The following SPDYA variants were observed in gnomAD, a reference collection of about 807,000 sequenced individuals.
SPDYA encodes speedy protein A.
Under a neutral mutation model 36.7 loss-of-function variants are expected in SPDYA, and 11 were observed. The observed-to-expected ratio is 0.30, with a 90% CI of 0.19 to 0.50. The LOEUF (loss-of-function observed/expected upper bound fraction) is 0.50, where lower values mean the gene tolerates loss of function less well. SPDYA is among the 20% of genes least tolerant of loss of function. The probability of loss-of-function intolerance (pLI) is 0.98; values close to 1 mark genes in which losing one functional copy is unlikely to be tolerated. For missense variants in SPDYA, 287 were observed against 370.9 expected, an observed-to-expected ratio of 0.77 and a Z score of 1.86; for synonymous variants, 115 against 118.7, an observed-to-expected ratio of 0.97 and a Z score of 0.20.
chr2:28,830,824 T>C (rs1668464038), intron 6 of SPDYA, among the ~76,000 whole-genome samples: 1 of 152,234 alleles, frequency 6.6e-6, no homozygotes, highest in Admixed American at 6.5e-5. Flanking sequence ...TCAGTTATTT[T>C]ACCAAATGTT....
chr2:28,831,397 G>C (rs950117906), intron 6 of SPDYA, among the ~76,000 whole-genome samples: 34 of 152,088 alleles, frequency 2.2e-4, no homozygotes, highest in African/African-American at 7.7e-4. Context: ...AAAAATAGCA[G>C]TATTACATCT....
In SPDYA at chr2:28,850,375, G is replaced by T; in HGVS notation, c.*434G>T. ...TACTGGTCTAGCAACATAGGGAAAT[G>T]ATCCATATGGAAAATCAGAATGCGA... On this transcript the variant is annotated 3_prime_UTR_variant, in exon 8 of 8. Transcript: ENST00000334056. 1 of 1,608,282 alleles carries T rather than the reference G, an allele frequency of 6.2e-7. No individual in the cohort carries two copies.
At chr2:28,819,837 A>G in intron 4 of SPDYA, among the ~76,000 whole-genome samples, 1 of 49,940 alleles carries the variant, frequency 2.0e-5, no homozygotes, top group Admixed American at 3.2e-4. Flanking sequence ...AAAAAAAAAA[A>G]AAAAAAAAAA....
chr2:28,826,349 C>T (rs377146676), intron 5 of SPDYA, among the ~76,000 whole-genome samples: 1 of 152,194 alleles, frequency 6.6e-6, no homozygotes, highest in East Asian at 1.9e-4. Flanking sequence ...ATTGGCCAAG[C>T]TGGCCTCAAA....
At chr2:28,818,239 G>A (rs547046405) in intron 3 of SPDYA, among the ~76,000 whole-genome samples, 72 of 152,178 alleles carry the variant, frequency 4.7e-4, no homozygotes, top group African/African-American at 1.3e-3. Flanking sequence ...GGAACTTTCC[G>A]TATGACTACA....
intron 4 of SPDYA, among the ~76,000 whole-genome samples, chr2:28,819,821 A>T (rs1445604105): frequency 1.5e-4 from 2 of 13,402 alleles, no homozygotes; most frequent in African/African-American, 3.1e-4. Flanking sequence ...CTGGTCTCTT[A>T]AAAAAAAAAA....
intron 2 of SPDYA, 68 bp from the exon 3 acceptor site, chr2:28,815,926 TATC>T (rs1380891698): frequency 7.6e-5 from 73 of 959,984 alleles, no homozygotes; most frequent in Non-Finnish European, 9.5e-6. Context: ...CATATGGTAG[TATC>T]ATCCAGTTAG....
intron 7 of SPDYA, among the ~76,000 whole-genome samples, chr2:28,848,586 T>C (rs1216528518): frequency 6.6e-6 from 1 of 152,238 alleles, no homozygotes; most frequent in African/African-American, 2.4e-5. Flanking sequence ...TATCATAGAC[T>C]ATAAACTCTA....
intron 6 of SPDYA, among the ~76,000 whole-genome samples, chr2:28,831,327 C>T (rs1668475622): frequency 6.6e-6 from 1 of 152,092 alleles, no homozygotes; most frequent in South Asian, 2.1e-4. Flanking sequence ...CACTGCCCTC[C>T]AGCCTCAGCA....
At chr2:28,833,683 G>A (rs761962714) in intron 6 of SPDYA, among the ~76,000 whole-genome samples, 7 of 152,096 alleles carry the variant, frequency 4.6e-5, no homozygotes, top group Non-Finnish European at 8.8e-5. Flanking sequence ...GAATGAAGCC[G>A]AACCTCTGGT....
chr2:28,814,354 A>G (rs1667932863), intron 1 of SPDYA, among the ~76,000 whole-genome samples: 1 of 152,212 alleles, frequency 6.6e-6, no homozygotes, highest in Non-Finnish European at 1.5e-5. Flanking sequence ...AAAAGAAAAA[A>G]AGATTGAGAT....
At position 28,822,342 on chromosome 2, in the gene SPDYA, CTTTG is replaced by C. The variant is rs765833157; in HGVS notation, c.316_319del (p.Val106IlefsTer9). On this transcript the variant is annotated frameshift_variant, in exon 5 of 8. Transcript: ENST00000334056. LOFTEE classifies it high-confidence loss of function. ...CCTTATAGTATCTTTTGGCTATGAC[CTTTG>C]TTTATTTCAAGAGGGCTAAATTTAC... 3 of 1,553,590 alleles carry C rather than the reference CTTTG, an allele frequency of 1.9e-6. No individual in the cohort carries two copies. The highest frequency in any genetic ancestry group is 2.6e-6 in the Non-Finnish European group (3 of 1,147,666).
At chr2:28,826,991 G>A (rs1394613170) in intron 5 of SPDYA, among the ~76,000 whole-genome samples, 3 of 132,676 alleles carry the variant, frequency 2.3e-5, no homozygotes, top group Non-Finnish European at 4.6e-5. Flanking sequence ...TCGCTCTGTC[G>A]CCCAAGCTGG....
At chr2:28,816,315 A>G in intron 3 of SPDYA, 66 bp downstream of exon 3, 4 of 1,169,816 alleles carry the variant, frequency 3.4e-6, no homozygotes, top group Non-Finnish European at 4.8e-6. Context: ...TAAACATCTA[A>G]ATGTTTTTAT....
chr2:28,837,915 T>C (rs1051055940), intron 6 of SPDYA, among the ~76,000 whole-genome samples: 3 of 151,860 alleles, frequency 2.0e-5, no homozygotes, highest in African/African-American at 4.8e-5. Context: ...AGGTAGAGTA[T>C]ATACACAGAA....
chr2:28,829,976 G>T (rs1333262725), intron 6 of SPDYA, among the ~76,000 whole-genome samples: 7 of 132,276 alleles, frequency 5.3e-5, no homozygotes, highest in South Asian at 4.9e-4. Flanking sequence ...AAAAGAAAAA[G>T]AAAAATACAA....
chr2:28,839,781 C>T (rs1370842821), intron 6 of SPDYA, among the ~76,000 whole-genome samples: 2 of 152,194 alleles, frequency 1.3e-5, no homozygotes, highest in African/African-American at 4.8e-5. Context: ...GGATTACAGG[C>T]GTGAGCCACC....
Position 28,846,840 on chromosome 2 carries a change from C to T in SPDYA, c.851-3010C>T, listed in dbSNP as rs548032422. 8.5e-4 allele frequency among the ~76,000 whole-genome samples: 129 copies of T among 151,626 alleles called. 2 individuals are homozygous for T. The highest frequency in any genetic ancestry group is 8.4e-4 in the Non-Finnish European group (57 of 67,990). On this transcript the variant is annotated intron_variant, in intron 7 of 7. Transcript: ENST00000334056. ...CTTGTTCAATTCAACATCTACTGAG[C>T]ACCATGTGCCAAACAGAAACAATGT...
intron 7 of SPDYA, among the ~76,000 whole-genome samples, chr2:28,848,902 T>A (rs552511678): frequency 1.3e-5 from 2 of 152,128 alleles, no homozygotes; most frequent in East Asian, 3.9e-4. Flanking sequence ...AAAAATTGGC[T>A]GGGCGTGGTG....
Sources: allele counts gnomAD v4.1 joint callset (sites outside exome capture counted in the v4.1 genomes callset), GRCh38; gene constraint gnomAD v4.1.1; transcripts MANE v1.5; gene names NCBI Gene and HGNC (gene_info 2026-07-23, HGNC 2026-07-21).